The following BRD2 variants were observed in gnomAD, a reference collection of about 807,000 sequenced individuals.
The protein encoded by BRD2 is bromodomain containing 2.
Under a neutral mutation model 79.1 loss-of-function variants are expected in BRD2, and 15 were observed. That is an observed-to-expected ratio of 0.19 (90% CI 0.13 to 0.29). The LOEUF (loss-of-function observed/expected upper bound fraction) is 0.29. Among genes scored for constraint, BRD2 ranks in the 10% least tolerant of loss-of-function variants. BRD2 has a pLI of 1.00. For missense variants in BRD2, 1,053 were observed against 991.3 expected (o/e 1.06, Z -0.84); for synonymous variants, 488 against 358.6 (o/e 1.36, Z -4.08).
Position 32,978,443 on chromosome 6 carries a change from A to T in BRD2, c.1841+55A>T. 4 of 1,575,292 alleles carry T rather than the reference A, an allele frequency of 2.5e-6. No individual in the cohort carries two copies. In the South Asian group the frequency reaches 4.6e-5, roughly 18 times the overall value. On this transcript the variant is annotated intron_variant, in intron 10 of 12. Transcript: ENST00000374825. The stretch of plus-strand genomic sequence containing the variant: ...TTGGCTATTTCTGTCTCTCTGGGGG[A>T]TGCCATCTCTCTTTGCAAAGATAAT...
chr6:32,975,160 G>A (rs1001243675), intron 3 of BRD2: 4 of 1,464,370 alleles, frequency 2.7e-6, no homozygotes, highest in East Asian at 2.6e-5. Context: ...GAGGTGGGTG[G>A]TTAGAGAAAG....
chr6:32,968,702 G>A lies in BRD2; in HGVS notation c.-1659G>A, dbSNP rs1777666826. 1 of 153,434 alleles carries A rather than the reference G, an allele frequency of 6.5e-6. No individual in the cohort carries two copies. Among genetic ancestry groups the A allele is most frequent in the Admixed American group, 6.5e-5 (1 of 15,324 alleles). The allele number at this position is 153,434 out of a possible 1,614,324, so 9.5% of individuals were successfully genotyped here. On this transcript the variant is annotated 5_prime_UTR_variant, in exon 1 of 13. Coordinates refer to ENST00000374825, the MANE Select transcript of BRD2 (RefSeq NM_005104.4). ...GCTGGGGATATGGACAAGCAGCAGC[G>A]TTATAGCGCTCTGGGTTTCGGGACA...
intron 4 of BRD2, 70 bp downstream of exon 4, chr6:32,975,591 G>A: frequency 1.3e-6 from 2 of 1,570,814 alleles, no homozygotes; most frequent in Non-Finnish European, 1.7e-6. Flanking sequence ...TGGATATGTT[G>A]TCTACATAAA....
At chr6:32,979,061 G>GTT (rs1561957386) in intron 10 of BRD2, 6 of 78,932 alleles carry the variant, frequency 7.6e-5, no homozygotes, top group African/African-American at 2.0e-4. Context: ...TTTTTTGTTA[G>GTT]TTTGTTTTTT....
In BRD2 at chr6:32,979,845, C is replaced by T. The variant is rs1779298380; in HGVS notation, c.1859C>T (p.Thr620Ile). 6.2e-7 allele frequency: 1 copy of T among 1,611,956 alleles called. No homozygotes were observed. Among genetic ancestry groups the T allele is most frequent in the Non-Finnish European group, 8.5e-7 (1 of 1,179,414 alleles). ...GCCCTTAGGCTCCCCAAAAAGGCCA[C>T]AAAGACAGCCCCACCTGCCCTGCCT... is the stretch of plus-strand genomic sequence containing the variant. The part of the protein sequence containing the change: ...GSGTKLPKKA[T>I]KTAPPALPTG... The change falls in exon 11 of 13, where the codon ACA (threonine) becomes ATA (isoleucine). Residue 620 changes from threonine (T) to isoleucine (I), a missense_variant. Thr to Ile is a moderately conservative substitution (Grantham distance 89, BLOSUM62 -1). Around this residue, in one of 5 missense-constraint regions of BRD2, gnomAD observed 454 missense variants for 430.5 expected, o/e 1.05. Coordinates refer to ENST00000374825, the MANE Select transcript of BRD2 (RefSeq NM_005104.4).
chr6:32,980,171 C>T, intron 11 of BRD2, 39 bp downstream of exon 11: 2 of 1,593,648 alleles, frequency 1.3e-6, no homozygotes, highest in Admixed American at 1.7e-5. Context: ...GTTCTGAGGA[C>T]AGTTGAGGAA....
Position 32,974,471 on chromosome 6 carries a change from G to A in BRD2, c.39G>A (p.Gly13=), listed in dbSNP as rs1778448205. ...GTTCCCATCTTTACAGGCTCCCTGGGGAAGGGAATGCAGGGTTGCTGGGGC... is the reference window on the plus strand; with the variant it reads ...GTTCCCATCTTTACAGGCTCCCTGGAGAAGGGAATGCAGGGTTGCTGGGGC... ...QNVTPHNKLP[G]EGNAGLLGLG... is the part of the protein sequence containing the mutation. The change falls in exon 3 of 13, where the codon GGG becomes GGA. Residue 13 remains glycine, a synonymous_variant. Transcript: ENST00000374825. 2 of 1,609,398 alleles carry A rather than the reference G, an allele frequency of 1.2e-6. No individual in the cohort carries two copies. Among genetic ancestry groups the A allele is most frequent in the Non-Finnish European group, 1.7e-6 (2 of 1,176,160 alleles).
intron 1 of BRD2, among the ~76,000 whole-genome samples, chr6:32,970,006 G>T (rs2127496592): frequency 6.6e-6 from 1 of 152,344 alleles, no homozygotes; most frequent in Non-Finnish European, 1.5e-5. Context: ...TCATGTGGGG[G>T]AAGGGAGGAT....
Position 32,972,229 on chromosome 6 carries a change from G to T in BRD2, c.-670G>T, listed in dbSNP as rs929600247. 1 of 500,012 alleles carries T rather than the reference G, an allele frequency of 2.0e-6. No homozygotes were observed. Among genetic ancestry groups the T allele is most frequent in the Non-Finnish European group, 3.7e-6 (1 of 272,352 alleles). The allele number at this position is 500,012 out of a possible 1,614,324, so 31.0% of individuals were successfully genotyped here. On this transcript the variant is annotated 5_prime_UTR_variant, in exon 2 of 13. It removes the in-frame stop codon of an upstream open reading frame in the 5' UTR. Coordinates refer to ENST00000374825, the MANE Select transcript of BRD2 (RefSeq NM_005104.4). ...TCGTGCTGGAGTGGAGCAGCCTCTAGAACGAGCTGGAGGATTCTGCCTACC... is the reference window on the plus strand; with the variant it reads ...TCGTGCTGGAGTGGAGCAGCCTCTATAACGAGCTGGAGGATTCTGCCTACC...
In BRD2 at chr6:32,980,800, G is replaced by C. The variant is rs147269908; in HGVS notation, c.*82G>C. On this transcript the variant is annotated 3_prime_UTR_variant, in exon 13 of 13. Coordinates refer to ENST00000374825, the MANE Select transcript of BRD2 (RefSeq NM_005104.4). ...TGCCCCACCTGCCCCTTCCCCCTTT[G>C]CTGTGACACTTCTTCATCTCACCCC... 20,363 of 1,527,454 alleles carry C rather than the reference G, an allele frequency of 0.013. 365 individuals carry two copies. Among genetic ancestry groups the C allele is most frequent in the South Asian group, 0.064 (5,641 of 88,264 alleles). 94.6% of individuals were successfully genotyped at this position (1,527,454 alleles called of 1,614,324 possible). A position where few individuals can be genotyped will look rare whatever the true frequency, so the allele number is the denominator to read the frequency against.
chr6:32,976,013 C>A lies in BRD2; in HGVS notation c.472-18C>A. On this transcript the variant is annotated intron_variant, in intron 4 of 12. Coordinates refer to ENST00000374825, the MANE Select transcript of BRD2 (RefSeq NM_005104.4). ...TGGCATTTTTTAACTTTCTTTATTG[C>A]TGTCTGTGTTCTCATAGCCCACTGA... 1 of 1,582,400 alleles carries A rather than the reference C, an allele frequency of 6.3e-7. No individual in the cohort carries two copies. Among genetic ancestry groups the A allele is most frequent in the Non-Finnish European group, 8.6e-7 (1 of 1,168,710 alleles).
In BRD2 at chr6:32,980,828, C is replaced by CA; in HGVS notation, c.*110_*111insA. The CA allele has an allele frequency of 3.7e-6, 5 of 1,349,828 alleles. No homozygotes were observed. The highest frequency in any genetic ancestry group is 2.5e-4 in the Middle Eastern group (1 of 3,924). The allele number at this position is 1,349,828 out of a possible 1,614,324, so 83.6% of individuals were successfully genotyped here. A position where few individuals can be genotyped will look rare whatever the true frequency, so the allele number is the denominator to read the frequency against. On this transcript the variant is annotated 3_prime_UTR_variant, in exon 13 of 13. Coordinates refer to ENST00000374825, the MANE Select transcript of BRD2 (RefSeq NM_005104.4). ...GTGACACTTCTTCATCTCACCCCCC[C>CA]CCGCCCCCCTCTAGGAGAGCTGGCT...
At chr6:32,972,956 G>A (rs1778222830) in intron 2 of BRD2, 29 bp downstream of exon 2, 3 of 1,613,938 alleles carry the variant, frequency 1.9e-6, no homozygotes, top group African/African-American at 1.3e-5. Context: ...CGTGTGGGAA[G>A]GGGATGTTGC....
In BRD2 at chr6:32,976,277, A is replaced by C. The variant is rs2127515482; in HGVS notation, c.638A>C (p.His213Pro). ...CTCCAGGGCAGTGTTACCAGTGCCC[A>C]TCAGGTGCCTGCCGTCTCTTCTGTG... ...AALQGSVTSA[H>P]QVPAVSSVSH... The change falls in exon 6 of 13, where the codon CAT becomes CCT. Residue 213 changes from histidine (H) to proline (P), a missense_variant. Transcript: ENST00000374825. 6.2e-7 allele frequency: 1 copy of C among 1,613,024 alleles called. No individual in the cohort carries two copies. Among genetic ancestry groups the C allele is most frequent in the Non-Finnish European group, 8.5e-7 (1 of 1,180,018 alleles).
chr6:32,970,216 G>C (rs1777819568), intron 1 of BRD2: 1 of 152,628 alleles, frequency 6.6e-6, no homozygotes, highest in Non-Finnish European at 1.5e-5. Context: ...CTAGGGGGAG[G>C]GGAAAAGGCC....
chr6:32,974,768 G>T lies in BRD2; in HGVS notation c.333+3G>T. ...ATGCTGTCAAACTGGGTCTACCGGT[G>T]AGTAGAGACATTGGAGCCGGGGAGG... On this transcript the variant is annotated splice_donor_region_variant and intron_variant, in intron 3 of 12. Coordinates refer to ENST00000374825, the MANE Select transcript of BRD2 (RefSeq NM_005104.4). 1.2e-6 allele frequency: 2 copies of T among 1,612,330 alleles called. No individual in the cohort carries two copies. The highest frequency in any genetic ancestry group is 1.7e-6 in the Non-Finnish European group (2 of 1,178,740).
intron 10 of BRD2, chr6:32,978,632 T>G: frequency 1.6e-6 from 1 of 624,834 alleles, no homozygotes; most frequent in Non-Finnish European, 2.7e-6. Context: ...GGCCATTGGA[T>G]TCCCATAAGG....
At chr6:32,970,980 G>T (rs1181633184) in intron 1 of BRD2, 1 of 151,642 alleles carries the variant, frequency 6.6e-6, no homozygotes, top group African/African-American at 2.4e-5. Flanking sequence ...TCCGTGGGGA[G>T]GACTCCGGAC....
rs1779401912 is a variant in BRD2, at chr6:32,980,599, T to A, written c.2287T>A (p.Ser763Thr). ...TTCTGCAGCGAATGAGAAAACAGAG[T>A]CATCCTCTGCACAGCAAGTAGCAGT... ...PPKKANEKTE[S>T]SSAQQVAVSR... Residue 763 changes from serine (S) to threonine (T), a missense_variant, in exon 13 of 13, where the codon TCA (serine) becomes ACA (threonine). Transcript: ENST00000374825. 1.2e-6 allele frequency: 2 copies of A among 1,612,970 alleles called. No homozygotes were observed. Among genetic ancestry groups the A allele is most frequent in the African/African-American group, 2.7e-5 (2 of 74,918 alleles).
Sources: allele counts gnomAD v4.1 joint callset (sites outside exome capture counted in the v4.1 genomes callset), GRCh38; gene constraint gnomAD v4.1.1; regional missense constraint gnomAD v4.1.1; transcripts MANE v1.5; gene names NCBI Gene and HGNC (gene_info 2026-07-23, HGNC 2026-07-21).